The following EPHA6 variants were observed in gnomAD, a reference collection of about 807,000 sequenced individuals.
The protein encoded by EPHA6 is ephrin type-A receptor 6.
In EPHA6, 50 loss-of-function variants were observed where a neutral mutation model predicts 112.0. That is an observed-to-expected ratio of 0.45 (90% CI 0.36 to 0.56). EPHA6 has a LOEUF of 0.56. EPHA6 is among the 20% of genes least tolerant of loss of function. The pLI is 0.00. For synonymous variants in EPHA6, 529 were observed against 490.7 expected (o/e 1.08, Z -1.03); for missense variants, 1,280 against 1,417.4 (o/e 0.90, Z 1.56).
intron 2 of EPHA6, among the ~76,000 whole-genome samples, chr3:96,958,889 T>A (rs1206150024): frequency 1.3e-5 from 2 of 152,220 alleles, no homozygotes; most frequent in Non-Finnish European, 2.9e-5. Flanking sequence ...TATGAATATA[T>A]CACATTTTAT....
chr3:97,230,859 T>A (rs2078504047), intron 4 of EPHA6, among the ~76,000 whole-genome samples: 1 of 152,162 alleles, frequency 6.6e-6, no homozygotes, highest in Non-Finnish European at 1.5e-5. Context: ...TATGTTGATT[T>A]AAGTCAGTGC....
chr3:97,672,015 G>T (rs907819493), intron 14 of EPHA6, among the ~76,000 whole-genome samples: 2 of 152,062 alleles, frequency 1.3e-5, no homozygotes, highest in East Asian at 3.9e-4. Flanking sequence ...CCTGGATTGC[G>T]CAGTCCATCA....
intron 2 of EPHA6, among the ~76,000 whole-genome samples, chr3:96,886,026 A>C (rs1053084419): frequency 6.6e-6 from 1 of 152,118 alleles, no homozygotes; most frequent in Admixed American, 6.6e-5. Flanking sequence ...GTGTATTTGC[A>C]TGTTTTTGAT....
chr3:97,753,436 CT>C lies in EPHA6; in HGVS notation c.*4737del, dbSNP rs2035946634. Among the ~76,000 whole-genome samples the C allele has an allele frequency of 6.6e-6, 1 of 152,126 alleles. No homozygotes were observed. The highest frequency in any genetic ancestry group is 1.5e-5 in the Non-Finnish European group (1 of 68,002). On this transcript the variant is annotated 3_prime_UTR_variant, in exon 18 of 18. Coordinates refer to ENST00000389672, the MANE Select transcript of EPHA6 (RefSeq NM_001080448.3). Reference sequence around the variant, plus strand: ...TTGGACCTCAAATTCTCATAGTATTCTTCCGAAACACTCCATAACCCCTCTG... The same window carrying C: ...TTGGACCTCAAATTCTCATAGTATTCTCCGAAACACTCCATAACCCCTCTG...
In EPHA6 at chr3:97,086,591, A is replaced by T. The variant is rs554191843; in HGVS notation, c.1114+98598A>T. ...ATGGTTTTCAATGAAATATAAATAT[A>T]AATATACACATAAGCACATATACAT... On this transcript the variant is annotated intron_variant, in intron 3 of 17. Transcript: ENST00000389672. Among the ~76,000 whole-genome samples the T allele has an allele frequency of 2.6e-5, 4 of 152,238 alleles. No individual in the cohort carries two copies. The South Asian group carries it at 6.2e-4, about 24-fold the overall frequency.
intron 11 of EPHA6, among the ~76,000 whole-genome samples, chr3:97,567,453 C>T (rs2093282256): frequency 6.6e-6 from 1 of 152,156 alleles, no homozygotes; most frequent in Non-Finnish European, 1.5e-5. Context: ...AGCCTGAAAA[C>T]ATTTTGAGAG....
intron 11 of EPHA6, among the ~76,000 whole-genome samples, chr3:97,536,207 G>A (rs974046101): frequency 6.6e-6 from 1 of 152,108 alleles, no homozygotes; most frequent in African/African-American, 2.4e-5. Context: ...ATACACCGGT[G>A]TCATTAACTA....
intron 13 of EPHA6, among the ~76,000 whole-genome samples, chr3:97,613,660 A>C (rs187421546): frequency 6.6e-6 from 1 of 152,182 alleles, no homozygotes; most frequent in Non-Finnish European, 1.5e-5. Context: ...GAAAATATAC[A>C]TGTGTGTAGA....
At chr3:97,643,464 A>G (rs1480339613) in intron 14 of EPHA6, among the ~76,000 whole-genome samples, 3 of 151,228 alleles carry the variant, frequency 2.0e-5, no homozygotes, top group Admixed American at 6.6e-5. Flanking sequence ...ATGTAAATGG[A>G]CTAAATGCTC....
At chr3:97,240,131 A>G (rs1237141352) in intron 4 of EPHA6, among the ~76,000 whole-genome samples, 1 of 151,984 alleles carries the variant, frequency 6.6e-6, no homozygotes, top group South Asian at 2.1e-4. Flanking sequence ...ACATATAGAT[A>G]GAGAAAGAAG....
intron 5 of EPHA6, among the ~76,000 whole-genome samples, chr3:97,384,787 G>A (rs2085960786): frequency 1.3e-5 from 2 of 151,940 alleles, no homozygotes; most frequent in East Asian, 3.9e-4. Flanking sequence ...GCTTGACTCA[G>A]CATTTCCCAA....
intron 6 of EPHA6, among the ~76,000 whole-genome samples, chr3:97,421,671 C>A (rs931048489): frequency 1.3e-5 from 2 of 152,054 alleles, no homozygotes; most frequent in African/African-American, 4.8e-5. Flanking sequence ...CCATGAATAA[C>A]CAGGATACTT....
intron 3 of EPHA6, among the ~76,000 whole-genome samples, chr3:97,089,933 A>G (rs932246724): frequency 6.6e-6 from 1 of 152,126 alleles, no homozygotes; most frequent in Non-Finnish European, 1.5e-5. Context: ...CTTCCTGAAT[A>G]AGGGATAAAG....
chr3:97,271,685 C>T (rs1387102479), intron 5 of EPHA6, among the ~76,000 whole-genome samples: 3 of 152,084 alleles, frequency 2.0e-5, no homozygotes, highest in East Asian at 1.9e-4. Flanking sequence ...TAAAAATATA[C>T]GTTGGAGTTT....
At chr3:97,082,742 A>G (rs2046765049) in intron 3 of EPHA6, among the ~76,000 whole-genome samples, 1 of 151,930 alleles carries the variant, frequency 6.6e-6, no homozygotes. Context: ...ACCCACGAGT[A>G]TTTAGTCTTT....
intron 14 of EPHA6, among the ~76,000 whole-genome samples, chr3:97,651,285 A>C (rs2094105841): frequency 6.6e-6 from 1 of 152,074 alleles, no homozygotes; most frequent in African/African-American, 2.4e-5. Context: ...TTGCAAAAGC[A>C]ATGAAAAATC....
chr3:96,972,424 A>AACACAC (rs3070424), intron 2 of EPHA6, among the ~76,000 whole-genome samples: 91 of 144,866 alleles, frequency 6.3e-4, no homozygotes, highest in African/African-American at 1.9e-3. Context: ...CACACACACA[A>AACACAC]ACACACACAC....
At chr3:97,049,639 TG>T (rs1202483351) in intron 3 of EPHA6, among the ~76,000 whole-genome samples, 1 of 152,156 alleles carries the variant, frequency 6.6e-6, no homozygotes, top group East Asian at 1.9e-4. Flanking sequence ...TACCTGAGAC[TG>T]GGTAATTTAC....
chr3:97,082,433 G>A (rs529329373), intron 3 of EPHA6, among the ~76,000 whole-genome samples: 9 of 151,618 alleles, frequency 5.9e-5, no homozygotes, highest in South Asian at 2.1e-4. Flanking sequence ...ATAATTTTTC[G>A]TAAATATCTT....
Sources: allele counts gnomAD v4.1 joint callset (sites outside exome capture counted in the v4.1 genomes callset), GRCh38; gene constraint gnomAD v4.1.1; transcripts MANE v1.5; gene names NCBI Gene and HGNC (gene_info 2026-07-23, HGNC 2026-07-21).